Variants in RAB26 observed in about 807,000 individuals in gnomAD.
RAB26 encodes the protein RAB26, member RAS oncogene family, also known as ras-related protein Rab-26.
In RAB26, 39 loss-of-function variants were observed where a neutral mutation model predicts 33.1. The observed-to-expected ratio is 1.18, with a 90% CI of 0.91 to 1.54. RAB26 has a LOEUF of 1.54. RAB26 is among the 40% of genes most tolerant of loss of function. The probability of loss-of-function intolerance (pLI) is 0.00; values close to 1 mark genes in which losing one functional copy is unlikely to be tolerated. For missense variants in RAB26, 468 were observed against 362.9 expected, an observed-to-expected ratio of 1.29 and a Z score of -2.35; for synonymous variants, 192 against 151.9, an observed-to-expected ratio of 1.26 and a Z score of -1.94.
At chr16:2,150,094 G>A (rs200955188) in intron 2 of RAB26, 43 bp downstream of exon 2, 17 of 1,490,130 alleles carry the variant, frequency 1.1e-5, no homozygotes, top group Middle Eastern at 1.7e-4. Context: ...GAGTCCCGCC[G>A]GTACCCGAGC....
rs922768759 is a variant in RAB26, at chr16:2,153,665, G to A, written c.*244G>A. 9 of 653,352 alleles carry A rather than the reference G, an allele frequency of 1.4e-5. No homozygotes were observed. Among genetic ancestry groups the A allele is most frequent in the East Asian group, 3.0e-5 (1 of 33,194 alleles). 40.5% of individuals were successfully genotyped at this position (653,352 alleles called of 1,614,324 possible). ...CAGTCTTCTGCACGGGACGGGGAGC[G>A]GCAAGTGGACAGACTTTGCCACGGT... On this transcript the variant is annotated 3_prime_UTR_variant, in exon 9 of 9. Coordinates refer to ENST00000210187, the MANE Select transcript of RAB26 (RefSeq NM_014353.5).
intron 2 of RAB26, chr16:2,151,298 G>A (rs1274806777): frequency 3.4e-6 from 2 of 592,884 alleles, no homozygotes; most frequent in Non-Finnish European, 6.2e-6. Context: ...TGCAGATGAG[G>A]AAACCGAGGC....
Position 2,153,491 on chromosome 16 carries a change from C to A in RAB26, c.*70C>A. 2.7e-6 allele frequency: 4 copies of A among 1,459,350 alleles called. No homozygotes were observed. The highest frequency in any genetic ancestry group is 3.8e-6 in the Non-Finnish European group (4 of 1,054,452). 90.4% of individuals were successfully genotyped at this position (1,459,350 alleles called of 1,614,324 possible). A position where few individuals can be genotyped will look rare whatever the true frequency, so the allele number is the denominator to read the frequency against. ...GAAGGCTGGACAGAGGGTCTCCAGG[C>A]CCTTCTGACTTTGTTGCCCAGTGGC... On this transcript the variant is annotated 3_prime_UTR_variant, in exon 9 of 9. Coordinates refer to ENST00000210187, the MANE Select transcript of RAB26 (RefSeq NM_014353.5).
intron 1 of RAB26, 88 bp from the exon 2 acceptor site, chr16:2,149,853 T>A: frequency 9.5e-7 from 1 of 1,048,362 alleles, no homozygotes; most frequent in South Asian, 1.9e-5. Flanking sequence ...GCTGCCTCCC[T>A]CCACTCCTGC....
rs2093014650 is a variant in RAB26 at position 2,153,609 on chromosome 16, C to A, written c.*188C>A. On this transcript the variant is annotated 3_prime_UTR_variant, in exon 9 of 9. Coordinates refer to ENST00000210187, the MANE Select transcript of RAB26 (RefSeq NM_014353.5). ...TCCCAACAAGCAGGCTTCTGAGAGCCCGTGGCCGCACACTGGCCGCCACGG... is the reference window on the plus strand; with the variant it reads ...TCCCAACAAGCAGGCTTCTGAGAGCACGTGGCCGCACACTGGCCGCCACGG... 2 of 671,314 alleles carry A rather than the reference C, an allele frequency of 3.0e-6. No homozygotes were observed. The highest frequency in any genetic ancestry group is 2.4e-4 in the Middle Eastern group (1 of 4,134). 41.6% of individuals were successfully genotyped at this position (671,314 alleles called of 1,614,324 possible).
At position 2,150,025 on chromosome 16, in the gene RAB26, A is replaced by G; in HGVS notation, c.280A>G (p.Ile94Val). The G allele has an allele frequency of 1.3e-6, 2 of 1,544,456 alleles. No homozygotes were observed. The highest frequency in any genetic ancestry group is 1.7e-6 in the Non-Finnish European group (2 of 1,143,660). ...TGGTGCTTTCCTGGCGGGGACCTTCATCTCCACCGTAGGCATTGACTTCCG... is the reference window on the plus strand; with the variant it reads ...TGGTGCTTTCCTGGCGGGGACCTTCGTCTCCACCGTAGGCATTGACTTCCG... The part of the protein sequence containing the change: ...KDGAFLAGTF[I>V]STVGIDFRNK... Residue 94 changes from isoleucine (I) to valine (V), a missense_variant, in exon 2 of 9, where the codon ATC (isoleucine) becomes GTC (valine). Transcript: ENST00000210187.
chr16:2,151,524 C>G, intron 2 of RAB26, 45 bp from the exon 3 acceptor site: 1 of 1,612,466 alleles, frequency 6.2e-7, no homozygotes, highest in African/African-American at 1.3e-5. Context: ...GGACCAGAGG[C>G]TGGGCTGGGC....
Position 2,149,079 on chromosome 16 carries a change from G to A in RAB26, c.195+101G>A, listed in dbSNP as rs1043562214. ...GGGGGTGCAGGGCCCGCGGCCCCAG[G>A]GCGCGGAGCCGACGCGGGAGGAACC... On this transcript the variant is annotated intron_variant, in intron 1 of 8. Transcript: ENST00000210187. 1.8e-5 allele frequency: 21 copies of A among 1,185,312 alleles called. No homozygotes were observed. The East Asian group carries it at 1.9e-4, about 11-fold the overall frequency. The allele number at this position is 1,185,312 out of a possible 1,614,324, so 73.4% of individuals were successfully genotyped here.
intron 7 of RAB26, 32 bp downstream of exon 7, chr16:2,153,077 G>A (rs1170671530): frequency 4.3e-6 from 7 of 1,612,098 alleles, no homozygotes; most frequent in Middle Eastern, 1.7e-4. Context: ...GTGAGGGGGT[G>A]CCCCTGGAGG....
Position 2,152,541 on chromosome 16 carries a change from C to T in RAB26, c.469-279C>T, listed in dbSNP as rs943204260. Among the ~76,000 whole-genome samples, 51 of 151,760 alleles carry T rather than the reference C, an allele frequency of 3.4e-4. 1 individual carries two copies. The highest frequency in any genetic ancestry group is 2.9e-3 in the Admixed American group (44 of 15,256). On this transcript the variant is annotated intron_variant, in intron 5 of 8. Transcript: ENST00000210187. The stretch of plus-strand genomic sequence containing the variant: ...AAAAAATTAGCTGGGCGTGGTGGTG[C>T]GTAACTGTAATCCCAGTCACTTGGG...
rs1446841422 is a variant in RAB26, at chr16:2,153,309, C to G, written c.669-10C>G. ...GGCCATCGTGTCCCCTTGTCACCCC[C>G]ACTCCGCAGGGAGTTGAAGCAGCGC... On this transcript the variant is annotated splice_polypyrimidine_tract_variant and intron_variant, in intron 8 of 8. Transcript: ENST00000210187. 3 of 1,613,490 alleles carry G rather than the reference C, an allele frequency of 1.9e-6. 1 individual carries two copies. The Admixed American group carries it at 5.0e-5, about 27-fold the overall frequency.
In RAB26 at chr16:2,153,387, G is replaced by C. The variant is rs1360307583; in HGVS notation, c.737G>C (p.Arg246Thr). 2.5e-6 allele frequency: 4 copies of C among 1,613,392 alleles called. No individual in the cohort carries two copies. Among genetic ancestry groups the C allele is most frequent in the Non-Finnish European group, 3.4e-6 (4 of 1,180,024 alleles). ...PRFRLHDYVK[R>T]EGRGASCCRP ...TTCCGGCTGCATGATTACGTTAAGA[G>C]GGAGGGTCGAGGGGCCTCCTGCTGC... Residue 246 changes from arginine to threonine, a missense_variant, in exon 9 of 9, where the codon AGG becomes ACG. Arg to Thr is a moderately conservative substitution (Grantham distance 71). Transcript: ENST00000210187.
rs1237517841 is a variant in RAB26, at chr16:2,153,194, G to A, written c.640G>A (p.Val214Met). 2 of 1,613,808 alleles carry A rather than the reference G, an allele frequency of 1.2e-6. No homozygotes were observed. Among genetic ancestry groups the A allele is most frequent in the Non-Finnish European group, 1.7e-6 (2 of 1,180,012 alleles). The stretch of plus-strand genomic sequence containing the variant: ...GACCAGCGCCAAGACGGGCCTCAAC[G>A]TGGACTTGGCCTTCACAGCCATAGC... ...METSAKTGLN[V>M]DLAFTAIAKE... The change falls in exon 8 of 9, where the codon GTG becomes ATG. Residue 214 changes from valine to methionine, a missense_variant. Coordinates refer to ENST00000210187, the MANE Select transcript of RAB26 (RefSeq NM_014353.5).
chr16:2,152,051 G>A (rs1283998650), intron 5 of RAB26, 143 bp downstream of exon 5: 1 of 1,216,810 alleles, frequency 8.2e-7, no homozygotes, highest in African/African-American at 1.5e-5. Context: ...GCTGGAGGTG[G>A]CCCAAGTGGA....
In RAB26 at chr16:2,153,592, A is replaced by G. The variant is rs2093014565; in HGVS notation, c.*171A>G. ...CCTCCTCCCAGCAACAGTCCCAACA[A>G]GCAGGCTTCTGAGAGCCCGTGGCCG... On this transcript the variant is annotated 3_prime_UTR_variant, in exon 9 of 9. Coordinates refer to ENST00000210187, the MANE Select transcript of RAB26 (RefSeq NM_014353.5). The G allele has an allele frequency of 4.4e-6, 3 of 678,870 alleles. No individual in the cohort carries two copies. The highest frequency in any genetic ancestry group is 7.7e-6 in the Non-Finnish European group (3 of 387,646). The allele number at this position is 678,870 out of a possible 1,614,324, so 42.1% of individuals were successfully genotyped here. A position where few individuals can be genotyped will look rare whatever the true frequency, so the allele number is the denominator to read the frequency against.
intron 5 of RAB26, among the ~76,000 whole-genome samples, chr16:2,152,283 A>T (rs1391231572): frequency 6.6e-6 from 1 of 152,072 alleles, no homozygotes; most frequent in Non-Finnish European, 1.5e-5. Flanking sequence ...TTTGGCACAC[A>T]CCTGTAATCC....
At chr16:2,151,947 G>A (rs761812306) in intron 5 of RAB26, 39 bp downstream of exon 5, 6 of 1,612,028 alleles carry the variant, frequency 3.7e-6, no homozygotes, top group Non-Finnish European at 4.2e-6. Flanking sequence ...GGCCCTGATA[G>A]GGCCTGACCC....
chr16:2,151,939 C>T (rs1221208963), intron 5 of RAB26, 31 bp downstream of exon 5: 2 of 1,613,538 alleles, frequency 1.2e-6, no homozygotes, highest in Non-Finnish European at 1.7e-6. Context: ...GGTGAAAGGG[C>T]CCTGATAGGG....
chr16:2,148,802 C>G lies in RAB26; in HGVS notation c.19C>G (p.Pro7Ala). 1.4e-6 allele frequency: 2 copies of G among 1,393,442 alleles called. No homozygotes were observed. The highest frequency in any genetic ancestry group is 1.7e-5 in the South Asian group (1 of 59,498). 86.3% of individuals were successfully genotyped at this position (1,393,442 alleles called of 1,614,324 possible). Residue 7 changes from proline to alanine, a missense_variant, in exon 1 of 9, where the codon CCC (proline) becomes GCC (alanine). Transcript: ENST00000210187. ...GCCCGCCATGTCCAGGAAGAAGACCCCCAAGAGCAAAGGGGCCAGCACCCC... is the reference window on the plus strand; with the variant it reads ...GCCCGCCATGTCCAGGAAGAAGACCGCCAAGAGCAAAGGGGCCAGCACCCC... MSRKKTPKSKGASTPAA... is the reference protein window; with the variant it reads MSRKKTAKSKGASTPAA...
Sources: allele counts gnomAD v4.1 joint callset (sites outside exome capture counted in the v4.1 genomes callset), GRCh38; gene constraint gnomAD v4.1.1; transcripts MANE v1.5; gene names NCBI Gene and HGNC (gene_info 2026-07-23, HGNC 2026-07-21).